The following HHLA2 variants were observed in gnomAD, a reference collection of about 807,000 sequenced individuals.
HHLA2 encodes the protein HHLA2 member of B7 family.
HHLA2 carries 48 observed loss-of-function variants against 45.9 expected under a neutral mutation model. The ratio of observed to expected loss-of-function variants is 1.05; its 90% CI spans 0.83 to 1.33. The LOEUF (loss-of-function observed/expected upper bound fraction) is 1.33, where lower values mean the gene tolerates loss of function less well. HHLA2 is among the 40% of genes most tolerant of loss of function. HHLA2 has a pLI of 0.00. For missense variants in HHLA2, 462 were observed against 494.3 expected (o/e 0.93, Z 0.62); for synonymous variants, 161 against 173.9 (o/e 0.93, Z 0.59).
chr3:108,363,309 A>C (rs1405647787), intron 8 of HHLA2, among the ~76,000 whole-genome samples: 1 of 152,134 alleles, frequency 6.6e-6, no homozygotes, highest in Non-Finnish European at 1.5e-5. Flanking sequence ...ATTTAGGTGG[A>C]TCATTTAATA....
intron 1 of HHLA2, among the ~76,000 whole-genome samples, chr3:108,309,841 C>G (rs567543296): frequency 1.3e-5 from 2 of 152,154 alleles, no homozygotes; most frequent in East Asian, 3.9e-4. Context: ...AGCCCACACT[C>G]AAGGGGAGGG....
chr3:108,332,121 G>T (rs2081396213), intron 3 of HHLA2, among the ~76,000 whole-genome samples: 1 of 152,118 alleles, frequency 6.6e-6, no homozygotes, highest in Non-Finnish European at 1.5e-5. Context: ...GTAAGCTGGA[G>T]CCAACTGAGG....
chr3:108,300,813 G>A (rs2080836496), intron 1 of HHLA2, among the ~76,000 whole-genome samples: 1 of 152,080 alleles, frequency 6.6e-6, no homozygotes, highest in South Asian at 2.1e-4. Flanking sequence ...TGCTCTTATT[G>A]CTTGTAACAG....
In HHLA2 at chr3:108,349,260, GAAGAA is replaced by G. The variant is rs1410402415; in HGVS notation, c.-26-2523_-26-2519del. Reference sequence around the variant, plus strand: ...ATAGACCACTAGCCAGACTAATAAAGAAGAAAAGAGAGAAGAATCAAATAGACACA... The same window carrying G: ...ATAGACCACTAGCCAGACTAATAAAGAAGAGAGAAGAATCAAATAGACACA... On this transcript the variant is annotated intron_variant, in intron 3 of 10. Coordinates refer to ENST00000619531, the Ensembl canonical transcript of HHLA2. 2.0e-5 allele frequency among the ~76,000 whole-genome samples: 3 copies of G among 150,858 alleles called. No homozygotes were observed. In the East Asian group the frequency reaches 5.8e-4, roughly 29 times the overall value.
chr3:108,375,755 C>A, exon 9 of HHLA2: 1 of 1,610,820 alleles, frequency 6.2e-7, no homozygotes, highest in Non-Finnish European at 8.5e-7. Flanking sequence ...TACAGCCCAG[C>A]TAGAAGCCAG....
chr3:108,371,049 A>T (rs900726915), intron 8 of HHLA2, among the ~76,000 whole-genome samples: 5 of 152,202 alleles, frequency 3.3e-5, no homozygotes, highest in Admixed American at 6.5e-5. Context: ...GTTGAAATGA[A>T]GGAAAAAATG....
At chr3:108,338,200 G>T (rs2081507692) in intron 3 of HHLA2, among the ~76,000 whole-genome samples, 1 of 149,944 alleles carries the variant, frequency 6.7e-6, no homozygotes, top group Admixed American at 6.7e-5. Context: ...ATATATCAAA[G>T]ATATATATAT....
intron 3 of HHLA2, among the ~76,000 whole-genome samples, chr3:108,342,811 A>G (rs1394719119): frequency 2.0e-5 from 3 of 152,098 alleles, no homozygotes; most frequent in Non-Finnish European, 4.4e-5. Flanking sequence ...ACTCTTCCTT[A>G]TAGGCCAGTG....
At chr3:108,374,509 C>G (rs1332142006) in intron 8 of HHLA2, among the ~76,000 whole-genome samples, 1 of 149,546 alleles carries the variant, frequency 6.7e-6, no homozygotes, top group African/African-American at 2.4e-5. Flanking sequence ...AGCTTCTGCA[C>G]AGCAAAAGAA....
intron 5 of HHLA2, among the ~76,000 whole-genome samples, chr3:108,354,528 G>T (rs1485231326): frequency 6.6e-6 from 1 of 151,930 alleles, no homozygotes; most frequent in African/African-American, 2.4e-5. Context: ...CTCTGTTAAT[G>T]ATCAGGCTGC....
At chr3:108,325,791 A>C (rs1323669947) in intron 2 of HHLA2, 3 of 307,366 alleles carry the variant, frequency 9.8e-6, no homozygotes, top group Non-Finnish European at 1.9e-5. Context: ...CAACCATTGA[A>C]GTTTCCTCTA....
At chr3:108,299,948 A>T (rs1159327984) in intron 1 of HHLA2, among the ~76,000 whole-genome samples, 1 of 152,186 alleles carries the variant, frequency 6.6e-6, no homozygotes, top group Non-Finnish European at 1.5e-5. Context: ...CTTTATTTTC[A>T]GATTCCAGTG....
Position 108,353,796 on chromosome 3 carries a change from A to C in HHLA2, c.418+16A>C, listed in dbSNP as rs76141028. 1,493 of 1,563,776 alleles carry C rather than the reference A, an allele frequency of 9.5e-4. 3 individuals are homozygous for C. The highest frequency in any genetic ancestry group is 1.4e-3 in the Admixed American group (76 of 55,340). On this transcript the variant is annotated intron_variant, in intron 5 of 10. Transcript: ENST00000619531. ...AAGGTGGGAGGTAAGTGTGCATGTA[A>C]AGTTTCATGAAACAGCAATGACATC... is the stretch of plus-strand genomic sequence containing the variant.
chr3:108,367,549 T>A (rs1395962776), intron 8 of HHLA2, among the ~76,000 whole-genome samples: 2 of 151,616 alleles, frequency 1.3e-5, no homozygotes, highest in Admixed American at 6.6e-5. Flanking sequence ...GCATGAGAAC[T>A]CGTGAAGCAT....
At chr3:108,307,951 AT>A (rs2080957738) in intron 1 of HHLA2, among the ~76,000 whole-genome samples, 2 of 152,228 alleles carry the variant, frequency 1.3e-5, no homozygotes, top group South Asian at 4.1e-4. Flanking sequence ...GCAATGTAAA[AT>A]AAGGACATCA....
chr3:108,377,520 T>A, exon 11 of HHLA2: 1 of 494,534 alleles, frequency 2.0e-6, no homozygotes, highest in African/African-American at 1.9e-5. Flanking sequence ...GATTCCAATT[T>A]AACTTTGAAA....
intron 7 of HHLA2, among the ~76,000 whole-genome samples, chr3:108,359,263 A>G (rs546900237): frequency 2.8e-4 from 43 of 152,212 alleles, no homozygotes; most frequent in Non-Finnish European, 5.7e-4. Context: ...TTCAGTTCAC[A>G]CAAAGTGAAA....
intron 8 of HHLA2, among the ~76,000 whole-genome samples, chr3:108,367,878 G>A (rs2107499521): frequency 6.6e-6 from 1 of 152,196 alleles, no homozygotes; most frequent in Non-Finnish European, 1.5e-5. Flanking sequence ...TACTCCTTGA[G>A]AAGAGCAACC....
chr3:108,315,526 T>C (rs1043337938), intron 2 of HHLA2, among the ~76,000 whole-genome samples: 1 of 152,206 alleles, frequency 6.6e-6, no homozygotes, highest in East Asian at 1.9e-4. Context: ...ATTTGAAGCT[T>C]GATTGATGTT....
Sources: gnomAD v4.1 joint callset for allele counts (sites outside exome capture counted in the v4.1 genomes callset) on GRCh38, gnomAD v4.1.1 for gene constraint, MANE v1.5 for transcripts, NCBI Gene and HGNC (gene_info 2026-07-23, HGNC 2026-07-21) for gene names.